Variants in STX8 observed in about 807,000 individuals in gnomAD.
The protein encoded by STX8 is syntaxin-8.
In STX8, 23 loss-of-function variants were observed where a neutral mutation model predicts 37.5. The ratio of observed to expected loss-of-function variants is 0.61; its 90% confidence interval spans 0.44 to 0.87. The LOEUF (loss-of-function observed/expected upper bound fraction) is 0.87, where lower values mean the gene tolerates loss of function less well. Ranked by LOEUF, STX8 falls within the 40% of genes least tolerant of loss-of-function variation. The pLI, the probability that STX8 is intolerant of heterozygous loss-of-function variation, is 0.00. For missense variants in STX8, 313 were observed against 284.7 expected, an observed-to-expected ratio of 1.10 and a Z score of -0.71; for synonymous variants, 115 against 99.1, an observed-to-expected ratio of 1.16 and a Z score of -0.95.
At chr17:9,376,958 T>G (rs754936893) in intron 7 of STX8, among the ~76,000 whole-genome samples, 1 of 152,120 alleles carries the variant, frequency 6.6e-6, no homozygotes, top group Non-Finnish European at 1.5e-5. Context: ...AGAAGATTGA[T>G]AAAGCAAAAA....
intron 7 of STX8, among the ~76,000 whole-genome samples, chr17:9,256,255 T>C (rs1422057004): frequency 1.3e-5 from 2 of 151,796 alleles, no homozygotes; most frequent in South Asian, 4.2e-4. Flanking sequence ...CGCTCACCCT[T>C]GTCTACACCA....
chr17:9,476,048 A>G (rs1906090204), intron 6 of STX8, among the ~76,000 whole-genome samples: 1 of 152,198 alleles, frequency 6.6e-6, no homozygotes, highest in Non-Finnish European at 1.5e-5. Context: ...GTATGGTGGC[A>G]CATGCTTGTA....
chr17:9,522,533 TAAAAATCCAAAA>T (rs2142526997), intron 4 of STX8, among the ~76,000 whole-genome samples: 1 of 28,412 alleles, frequency 3.5e-5, no homozygotes, highest in East Asian at 9.0e-4. Flanking sequence ...CCGTCTCTAC[TAAAAATCCAAAA>T]AAAAAAAAAA....
intron 3 of STX8, chr17:9,548,579 A>G (rs1906641020): frequency 6.6e-6 from 1 of 152,260 alleles, no homozygotes; most frequent in African/African-American, 2.4e-5. Context: ...TATAATAGCC[A>G]CATTGGAAAT....
chr17:9,372,274 C>T (rs1911429790), intron 7 of STX8, among the ~76,000 whole-genome samples: 1 of 150,602 alleles, frequency 6.6e-6, no homozygotes, highest in African/African-American at 2.4e-5. Flanking sequence ...TTCCACAACC[C>T]CCCATGGTAA....
rs1037411275 is a variant in STX8 at position 9,360,360 on chromosome 17, G to A, written c.643+18192C>T. ...AGCGATTCTCCTGCCTCAGCCTCCC[G>A]AGTAGCTGGGATTACAGTCGTGCAC... On this transcript the variant is annotated intron_variant, in intron 7 of 7. Coordinates refer to ENST00000306357, the MANE Select transcript of STX8 (RefSeq NM_004853.3). Among the ~76,000 whole-genome samples, 36 of 148,962 alleles carry A rather than the reference G, an allele frequency of 2.4e-4. 1 individual carries two copies. In the East Asian group the frequency reaches 4.6e-3, roughly 19 times the overall value.
chr17:9,567,147 A>G lies in STX8; in HGVS notation c.117+1224T>C, dbSNP rs1162826190. Among the ~76,000 whole-genome samples the G allele has an allele frequency of 2.0e-5, 3 of 152,172 alleles. No individual in the cohort carries two copies. The East Asian group carries it at 5.8e-4, about 29-fold the overall frequency. On this transcript the variant is annotated intron_variant, in intron 2 of 7. Coordinates refer to ENST00000306357, the MANE Select transcript of STX8 (RefSeq NM_004853.3). ...GGGGACATGACACACACTGGGGCCT[A>G]GCAGAGGGAGGAAGCTGGAAGGAGG... is the stretch of plus-strand genomic sequence containing the variant.
At chr17:9,268,227 A>C (rs1907300125) in intron 7 of STX8, among the ~76,000 whole-genome samples, 1 of 151,614 alleles carries the variant, frequency 6.6e-6, no homozygotes, top group South Asian at 2.1e-4. Context: ...TAGGAGCAAC[A>C]CGAGAGCCTC....
Position 9,471,031 on chromosome 17 carries a change from C to CTT in STX8, c.541+20796_541+20797dup, listed in dbSNP as rs757411419. 9.6e-3 allele frequency among the ~76,000 whole-genome samples: 317 copies of CTT among 33,036 alleles called. 85 individuals are homozygous for CTT. The highest frequency in any genetic ancestry group is 0.017 in the South Asian group (8 of 480). The allele number at this position is 33,036 out of a possible 152,430, so 21.7% of individuals were successfully genotyped here. A position where few individuals can be genotyped will look rare whatever the true frequency, so the allele number is the denominator to read the frequency against. On this transcript the variant is annotated intron_variant, in intron 6 of 7. Coordinates refer to ENST00000306357, the MANE Select transcript of STX8 (RefSeq NM_004853.3). ...TACAGGCGTGAGCCACTGCATCCTG[C>CTT]TTTTTTTTTTTTTTTTTTTTTTTGA...
Position 9,318,154 on chromosome 17 carries a change from G to C in STX8, c.643+60398C>G, listed in dbSNP as rs533499725. ...TTTTTTTAAATACTTCAAGTTCTAG[G>C]GTCCATGTGCACAACGTGCAGGTAT... On this transcript the variant is annotated intron_variant, in intron 7 of 7. Transcript: ENST00000306357. Among the ~76,000 whole-genome samples, 58 of 152,224 alleles carry C rather than the reference G, an allele frequency of 3.8e-4. 1 individual carries two copies. The highest frequency in any genetic ancestry group is 1.1e-3 in the African/African-American group (46 of 41,540).
At chr17:9,373,050 G>C (rs1370310164) in intron 7 of STX8, among the ~76,000 whole-genome samples, 1 of 150,094 alleles carries the variant, frequency 6.7e-6, no homozygotes, top group African/African-American at 2.5e-5. Flanking sequence ...GTTGCAGTGA[G>C]CTGAGGTCAT....
At chr17:9,403,080 A>T (rs1346100495) in intron 6 of STX8, among the ~76,000 whole-genome samples, 1 of 152,126 alleles carries the variant, frequency 6.6e-6, no homozygotes, top group African/African-American at 2.4e-5. Context: ...GGATAAGGGG[A>T]TTTGGTGGTA....
At chr17:9,413,332 T>A (rs1913043878) in intron 6 of STX8, among the ~76,000 whole-genome samples, 1 of 152,186 alleles carries the variant, frequency 6.6e-6, no homozygotes, top group African/African-American at 2.4e-5. Flanking sequence ...GCACATCAAC[T>A]GGCAAGCACT....
At chr17:9,327,064 G>A (rs1297167782) in intron 7 of STX8, among the ~76,000 whole-genome samples, 2 of 151,936 alleles carry the variant, frequency 1.3e-5, no homozygotes, top group African/African-American at 2.4e-5. Context: ...GGCTGAGGCA[G>A]GAGAATCGCT....
intron 7 of STX8, among the ~76,000 whole-genome samples, chr17:9,320,191 GGCATGGTGGCAC>G (rs1271407556): frequency 2.0e-5 from 3 of 151,710 alleles, no homozygotes; most frequent in African/African-American, 7.3e-5. Context: ...AAAATAACTG[GGCATGGTGGCAC>G]GCACCTGTAA....
At chr17:9,341,726 C>T (rs897200181) in intron 7 of STX8, among the ~76,000 whole-genome samples, 5 of 152,144 alleles carry the variant, frequency 3.3e-5, no homozygotes, top group Admixed American at 6.6e-5. Flanking sequence ...CATGAGCCAC[C>T]GCGCCCGGCC....
intron 6 of STX8, among the ~76,000 whole-genome samples, chr17:9,433,580 CTCA>C (rs1431582418): frequency 6.6e-6 from 1 of 152,046 alleles, no homozygotes; most frequent in Non-Finnish European, 1.5e-5. Context: ...TATCTCCAAA[CTCA>C]TCATGTTGTA....
intron 2 of STX8, among the ~76,000 whole-genome samples, chr17:9,562,158 C>T (rs981466227): frequency 6.6e-6 from 1 of 150,826 alleles, no homozygotes; most frequent in Non-Finnish European, 1.5e-5. Flanking sequence ...AATCCCAGCA[C>T]TTTGGGAGGC....
intron 7 of STX8, among the ~76,000 whole-genome samples, chr17:9,301,643 C>T (rs892711041): frequency 6.9e-6 from 1 of 145,066 alleles, no homozygotes; most frequent in South Asian, 2.1e-4. Flanking sequence ...CCACTATGTC[C>T]GGCCATTTTT....
Sources: allele counts gnomAD v4.1 joint callset (sites outside exome capture counted in the v4.1 genomes callset), GRCh38; gene constraint gnomAD v4.1.1; transcripts MANE v1.5; gene names NCBI Gene and HGNC (gene_info 2026-07-23, HGNC 2026-07-21).